Variants in CHRM1 observed in about 807,000 individuals in gnomAD.
CHRM1 encodes the protein muscarinic acetylcholine receptor M1.
Under a neutral mutation model 31.6 loss-of-function variants are expected in CHRM1, and 5 were observed. The observed-to-expected ratio is 0.16, with a 90% CI of 0.08 to 0.33. The LOEUF (loss-of-function observed/expected upper bound fraction) is 0.33. CHRM1 is among the 10% of genes least tolerant of loss of function. The pLI, the probability that CHRM1 is intolerant of heterozygous loss-of-function variation, is 1.00. For missense variants in CHRM1, 338 were observed against 610.3 expected, an observed-to-expected ratio of 0.55 and a Z score of 4.70; for synonymous variants, 227 against 249.7, an observed-to-expected ratio of 0.91 and a Z score of 0.86.
intron 1 of CHRM1, among the ~76,000 whole-genome samples, chr11:62,913,948 C>CTT (rs557640543): frequency 4.3e-5 from 6 of 140,144 alleles, no homozygotes; most frequent in Admixed American, 1.4e-4. Context: ...TTTTCTTTTT[C>CTT]TTTTTTTTTT....
At chr11:62,918,412 T>A (rs576982627) in intron 1 of CHRM1, 11 of 152,302 alleles carry the variant, frequency 7.2e-5, no homozygotes, top group African/African-American at 2.6e-4. Flanking sequence ...GGTGAACCTG[T>A]GGGGGTCAGG....
At chr11:62,916,867 C>T (rs1249723712) in intron 1 of CHRM1, 1 of 152,252 alleles carries the variant, frequency 6.6e-6, no homozygotes, top group Non-Finnish European at 1.5e-5. Flanking sequence ...GGGCTAAGGC[C>T]TCTCACCTGG....
chr11:62,917,083 A>G (rs1319672338), intron 1 of CHRM1: 2 of 152,208 alleles, frequency 1.3e-5, no homozygotes, highest in Non-Finnish European at 2.9e-5. Context: ...ATTCCTGGAG[A>G]CGTGCTCTAG....
rs1372342324 is a variant in CHRM1, at chr11:62,910,013, G to A, written c.1088C>T (p.Ala363Val). The A allele has an allele frequency of 5.0e-6, 8 of 1,613,778 alleles. No homozygotes were observed. Among genetic ancestry groups the A allele is most frequent in the Non-Finnish European group, 6.8e-6 (8 of 1,180,018 alleles). The change falls in exon 2 of 2, where the codon GCG becomes GTG. Residue 363 changes from alanine (A) to valine (V), a missense_variant. Ala to Val is a moderately conservative substitution (Grantham distance 64). This residue lies in a region of CHRM1 where 183 missense variants were observed against 223.4 expected (regional missense o/e 0.82). Transcript: ENST00000306960. The surrounding 1 kb of genome is among the most constrained non-coding windows in gnomAD (Gnocchi z 8.7). Reference protein sequence around the residue: ...KTFSLVKEKKAARTLSAILLA... With the variant: ...KTFSLVKEKKVARTLSAILLA... ...GAGGATGGCACTCAGGGTCCGAGCC[G>A]CCTTCTTCTCCTTGACCAGCGAGAA...
In CHRM1 at chr11:62,910,642, G is replaced by C; in HGVS notation, c.459C>G (p.Ser153=). 1 of 1,614,228 alleles carries C rather than the reference G, an allele frequency of 6.2e-7. No individual in the cohort carries two copies. Among genetic ancestry groups the C allele is most frequent in the Non-Finnish European group, 8.5e-7 (1 of 1,180,034 alleles). The stretch of plus-strand genomic sequence containing the variant: ...GGATGGCTGGGGCCCAGAGCACAAA[G>C]GAAACCAGCCAGGCCAGGCCGATCA... ...ALMIGLAWLV[S]FVLWAPAILF... Residue 153 remains serine (S), a synonymous_variant, in exon 2 of 2, where the codon TCC becomes TCG. Coordinates refer to ENST00000306960, the MANE Select transcript of CHRM1 (RefSeq NM_000738.3). The surrounding 1 kb of genome is among the most constrained non-coding windows in gnomAD (Gnocchi z 8.7).
At chr11:62,913,671 C>CA (rs35385223) in intron 1 of CHRM1, among the ~76,000 whole-genome samples, 1,104 of 83,208 alleles carry the variant, frequency 0.013, 8 homozygotes, top group Non-Finnish European at 0.02. Flanking sequence ...AACTCTGTCT[C>CA]AAAAAAAAAA....
chr11:62,910,299 G>A lies in CHRM1; in HGVS notation c.802C>T (p.Leu268=), dbSNP rs200938854. 16 of 1,612,410 alleles carry A rather than the reference G, an allele frequency of 9.9e-6. No individual in the cohort carries two copies. Among genetic ancestry groups the A allele is most frequent in the Non-Finnish European group, 1.3e-5 (15 of 1,180,022 alleles). ...TCCTTCCAGCTGTAGGCCTGCAGCA[G>A]CCTGGGGGCCCGGCAGCAGCGACAG... ...RCCRCCRAPR[L]LQAYSWKEEE... The change falls in exon 2 of 2, where the codon CTG becomes TTG. Residue 268 remains leucine, a synonymous_variant. Coordinates refer to ENST00000306960, the MANE Select transcript of CHRM1 (RefSeq NM_000738.3). This position sits in a 1 kb window ranked among gnomAD's most constrained non-coding sequence, Gnocchi z 8.7.
At chr11:62,919,725 C>T (rs1176600031) in intron 1 of CHRM1, among the ~76,000 whole-genome samples, 1 of 152,102 alleles carries the variant, frequency 6.6e-6, no homozygotes, top group African/African-American at 2.4e-5. Flanking sequence ...TCAGAGCTTA[C>T]TGCGCCCCCT....
At chr11:62,915,049 C>T (rs931673366) in intron 1 of CHRM1, among the ~76,000 whole-genome samples, 2 of 151,944 alleles carry the variant, frequency 1.3e-5, no homozygotes, top group African/African-American at 4.8e-5. Context: ...GTGGCGGGCA[C>T]CTATGGTCCC....
At chr11:62,913,182 C>G (rs769413278) in intron 1 of CHRM1, among the ~76,000 whole-genome samples, 2 of 152,202 alleles carry the variant, frequency 1.3e-5, no homozygotes, top group Non-Finnish European at 2.9e-5. Context: ...AGTGATATAA[C>G]TTCTATATGC....
Position 62,909,702 on chromosome 11 carries a change from G to A in CHRM1, c.*16C>T. 3 of 1,611,362 alleles carry A rather than the reference G, an allele frequency of 1.9e-6. No homozygotes were observed. Among genetic ancestry groups the A allele is most frequent in the Non-Finnish European group, 2.5e-6 (3 of 1,178,466 alleles). On this transcript the variant is annotated 3_prime_UTR_variant, in exon 2 of 2. Coordinates refer to ENST00000306960, the MANE Select transcript of CHRM1 (RefSeq NM_000738.3). ...TTCCCGGGGACTGGGGTGGAGGGAT[G>A]CAGGAGAGGGGACTATCAGCATTGG...
At chr11:62,911,273 A>G (rs2085869781) in intron 1 of CHRM1, 95 bp from the exon 2 acceptor site, 1 of 649,612 alleles carries the variant, frequency 1.5e-6, no homozygotes. Context: ...GCCCTTGCAG[A>G]GCTTCAGACC....
chr11:62,909,302 G>A lies in CHRM1; in HGVS notation c.*416C>T, dbSNP rs138644279. ...CCAGCGGCCAGTTCAGTTTCTGGCT[G>A]TGCCCCCCAGGGGGCACCATCTCAC... is the stretch of plus-strand genomic sequence containing the variant. On this transcript the variant is annotated 3_prime_UTR_variant, in exon 2 of 2. Transcript: ENST00000306960. 3.7e-4 allele frequency: 65 copies of A among 177,694 alleles called. No individual in the cohort carries two copies. Among genetic ancestry groups the A allele is most frequent in the African/African-American group, 1.5e-3 (61 of 42,058 alleles). The allele number at this position is 177,694 out of a possible 1,614,324, so 11.0% of individuals were successfully genotyped here. A position where few individuals can be genotyped will look rare whatever the true frequency, so the allele number is the denominator to read the frequency against.
chr11:62,912,628 C>T (rs1172798106), intron 1 of CHRM1, among the ~76,000 whole-genome samples: 1 of 152,192 alleles, frequency 6.6e-6, no homozygotes, highest in Non-Finnish European at 1.5e-5. Context: ...AGGCCGGGGC[C>T]CTTAACAACC....
intron 1 of CHRM1, among the ~76,000 whole-genome samples, chr11:62,912,091 C>T (rs1380046892): frequency 6.6e-6 from 1 of 151,274 alleles, no homozygotes; most frequent in Non-Finnish European, 1.5e-5. Context: ...TGGGGCAGGC[C>T]GGCGTGGTGG....
In CHRM1 at chr11:62,910,210, G is replaced by T. The variant is rs1185044470; in HGVS notation, c.891C>A (p.Gly297=). ...TTGGCATCTTGATCACCACTTCGGAGCCAGGCTCCTCTCCCTCTGAGGATG... is the reference window on the plus strand; with the variant it reads ...TTGGCATCTTGATCACCACTTCGGATCCAGGCTCCTCTCCCTCTGAGGATG... ...SLTSSEGEEP[G]SEVVIKMPMV... The change falls in exon 2 of 2, where the codon GGC becomes GGA. Residue 297 remains glycine, a synonymous_variant. Coordinates refer to ENST00000306960, the MANE Select transcript of CHRM1 (RefSeq NM_000738.3). This position sits in a 1 kb window ranked among gnomAD's most constrained non-coding sequence, Gnocchi z 8.7. The T allele has an allele frequency of 6.2e-7, 1 of 1,606,778 alleles. No individual in the cohort carries two copies. Among genetic ancestry groups the T allele is most frequent in the African/African-American group, 1.3e-5 (1 of 74,708 alleles).
intron 1 of CHRM1, among the ~76,000 whole-genome samples, chr11:62,916,523 T>G (rs1263812037): frequency 6.6e-6 from 1 of 152,158 alleles, no homozygotes; most frequent in African/African-American, 2.4e-5. Flanking sequence ...TCCTTGGAGG[T>G]GAGGAAGCCG....
rs761305337 is a variant in CHRM1 at position 62,909,817 on chromosome 11, G to T, written c.1284C>A (p.Thr428=). ...YALCNKAFRD[T]FRLLLLCRWD... ...AGCGGCAAAGCAGCAGCAGGCGAAA[G>T]GTGTCCCGGAAGGCTTTGTTGCAGA... Residue 428 remains threonine (T), a synonymous_variant, in exon 2 of 2, where the codon ACC becomes ACA. Transcript: ENST00000306960. 5 of 1,614,268 alleles carry T rather than the reference G, an allele frequency of 3.1e-6. No individual in the cohort carries two copies. In the South Asian group the frequency reaches 4.4e-5, roughly 14 times the overall value.
At chr11:62,912,137 G>A (rs1406368735) in intron 1 of CHRM1, among the ~76,000 whole-genome samples, 3 of 151,954 alleles carry the variant, frequency 2.0e-5, no homozygotes, top group Admixed American at 6.6e-5. Context: ...GGGAGGCAGA[G>A]GCAGGCGGAT....
Sources: allele counts gnomAD v4.1 joint callset (sites outside exome capture counted in the v4.1 genomes callset), GRCh38; gene constraint gnomAD v4.1.1; regional missense constraint gnomAD v4.1.1; non-coding constraint Gnocchi (gnomAD v3.1); transcripts MANE v1.5; gene names NCBI Gene and HGNC (gene_info 2026-07-23, HGNC 2026-07-21).